PITPNM2: variants seen among roughly 807,000 people sequenced by gnomAD.
PITPNM2 encodes the protein phosphatidylinositol transfer protein membrane associated 2, also known as membrane-associated phosphatidylinositol transfer protein 2.
Under a neutral mutation model 132.2 loss-of-function variants are expected in PITPNM2, and 35 were observed. The ratio of observed to expected loss-of-function variants is 0.26; its 90% confidence interval spans 0.20 to 0.35. PITPNM2 has a LOEUF of 0.35. PITPNM2 is among the 10% of genes least tolerant of loss of function. The pLI is 1.00. For missense variants in PITPNM2, 1,332 were observed against 1,912.0 expected, an observed-to-expected ratio of 0.70 and a Z score of 5.66; for synonymous variants, 738 against 799.2, an observed-to-expected ratio of 0.92 and a Z score of 1.29.
chr12:123,071,850 C>G (rs994723929), intron 2 of PITPNM2, among the ~76,000 whole-genome samples: 2 of 152,174 alleles, frequency 1.3e-5, no homozygotes, highest in Admixed American at 1.3e-4. Flanking sequence ...AAAACCCGAG[C>G]CTATATGACT....
At chr12:122,995,827 C>G (rs2038403480) in intron 13 of PITPNM2, among the ~76,000 whole-genome samples, 167 bp from the exon 14 acceptor site, 3 of 152,234 alleles carry the variant, frequency 2.0e-5, no homozygotes, top group Admixed American at 2.0e-4. Context: ...TGTCCTCCCA[C>G]CCACCAGCCA....
chr12:123,015,618 A>G (rs2039394688), intron 3 of PITPNM2, among the ~76,000 whole-genome samples: 1 of 152,206 alleles, frequency 6.6e-6, no homozygotes, highest in African/African-American at 2.4e-5. Context: ...AGTTTAAAAA[A>G]AGAAATAAAA....
chr12:123,092,349 C>G (rs2137122436), intron 2 of PITPNM2: 1 of 152,392 alleles, frequency 6.6e-6, no homozygotes, highest in East Asian at 1.9e-4. Flanking sequence ...TGAGACCAGC[C>G]TAGGCAACAT....
intron 6 of PITPNM2, chr12:123,007,500 G>C: frequency 2.3e-6 from 1 of 428,934 alleles, no homozygotes; most frequent in South Asian, 1.7e-5. Flanking sequence ...GCAAGCAGTT[G>C]GGCCACGCCA....
chr12:123,024,186 C>A (rs900824452), intron 3 of PITPNM2, among the ~76,000 whole-genome samples: 1 of 152,216 alleles, frequency 6.6e-6, no homozygotes, highest in Non-Finnish European at 1.5e-5. Context: ...AGATGCTCAA[C>A]ATCATTTGTC....
Position 122,994,665 on chromosome 12 carries a change from C to G in PITPNM2, c.2233+136G>C. On this transcript the variant is annotated intron_variant, in intron 15 of 25. Coordinates refer to ENST00000320201, the MANE Select transcript of PITPNM2 (RefSeq NM_020845.3). This position sits in a 1 kb window ranked among gnomAD's most constrained non-coding sequence, Gnocchi z 5.4. ...GCAGGAGCAGAGGATAGCAAGGGGC[C>G]CTTGGTGGGGAAGACAGGAAGGAGG... 9.9e-7 allele frequency: 1 copy of G among 1,010,840 alleles called. No individual in the cohort carries two copies. Among genetic ancestry groups the G allele is most frequent in the South Asian group, 1.8e-5 (1 of 56,650 alleles). The allele number at this position is 1,010,840 out of a possible 1,614,324, so 62.6% of individuals were successfully genotyped here.
chr12:123,043,886 C>A (rs1383735854), intron 2 of PITPNM2, among the ~76,000 whole-genome samples: 1 of 152,114 alleles, frequency 6.6e-6, no homozygotes, highest in Non-Finnish European at 1.5e-5. Flanking sequence ...GAAACGGGCA[C>A]AAATGTGCAT....
At chr12:123,127,050 C>T (rs2043154102) in intron 1 of PITPNM2, among the ~76,000 whole-genome samples, 1 of 152,340 alleles carries the variant, frequency 6.6e-6, no homozygotes, top group South Asian at 2.1e-4. Flanking sequence ...TCTGAGAGCC[C>T]TGCCCTTGGA....
In PITPNM2 at chr12:122,986,268, C is replaced by T. The variant is rs1179506363; in HGVS notation, c.3809G>A (p.Arg1270His). 12 of 1,581,960 alleles carry T rather than the reference C, an allele frequency of 7.6e-6. No individual in the cohort carries two copies. The highest frequency in any genetic ancestry group is 3.4e-5 in the South Asian group (3 of 87,104). ...RARPARNTAT[R>H]MALRKGSFGL... ...GAAGCTGCCCTTGCGCAGCGCCATGCGGGTGGCCGTGTTGCGAGCGGGCCG... is the reference window on the plus strand; with the variant it reads ...GAAGCTGCCCTTGCGCAGCGCCATGTGGGTGGCCGTGTTGCGAGCGGGCCG... The change falls in exon 26 of 26, where the codon CGC becomes CAC. Residue 1270 changes from arginine to histidine, a missense_variant. Physicochemically the swap from Arg to His is conservative, Grantham distance 29 (BLOSUM62 0). Coordinates refer to ENST00000320201, the MANE Select transcript of PITPNM2 (RefSeq NM_020845.3).
chr12:122,991,962 G>C (rs952064196), intron 16 of PITPNM2: 1 of 1,275,978 alleles, frequency 7.8e-7, no homozygotes, highest in Non-Finnish European at 1.0e-6. Flanking sequence ...ATCCAGACAC[G>C]CTCTGACACA....
intron 2 of PITPNM2, among the ~76,000 whole-genome samples, chr12:123,057,998 G>A (rs2041098118): frequency 6.6e-6 from 1 of 152,172 alleles, no homozygotes; most frequent in South Asian, 2.1e-4. Flanking sequence ...GACCCCTCCT[G>A]TACACCTGAC....
intron 12 of PITPNM2, 22 bp downstream of exon 12, chr12:122,996,699 C>T (rs766409732): frequency 1.2e-6 from 2 of 1,610,672 alleles, no homozygotes; most frequent in South Asian, 1.1e-5. Flanking sequence ...CTCCTCCCCT[C>T]CCCAACTTCC....
chr12:122,996,007 C>G (rs1042317188), intron 13 of PITPNM2, among the ~76,000 whole-genome samples: 2 of 152,254 alleles, frequency 1.3e-5, no homozygotes, highest in Admixed American at 1.3e-4. Context: ...CACATAGCAG[C>G]TGCTCCCCTG....
rs1212985322 is a variant in PITPNM2 at position 122,994,850 on chromosome 12, C to T, written c.2184G>A (p.Pro728=). Residue 728 remains proline, a synonymous_variant, in exon 15 of 26, where the codon CCG becomes CCA. Transcript: ENST00000320201. This position sits in a 1 kb window ranked among gnomAD's most constrained non-coding sequence, Gnocchi z 5.4. Reference sequence around the variant, plus strand: ...TCCTCAAGGCCAGGACCAGCCCCAGCGGGCACCCGAAGAGGAAGAGGTCGG... The same window carrying T: ...TCCTCAAGGCCAGGACCAGCCCCAGTGGGCACCCGAAGAGGAAGAGGTCGG... ...EITDLFLFGC[P]LGLVLALRKT... is the part of the protein sequence containing the mutation. 9.9e-6 allele frequency: 16 copies of T among 1,611,880 alleles called. No homozygotes were observed. Among genetic ancestry groups the T allele is most frequent in the East Asian group, 2.2e-5 (1 of 44,860 alleles).
intron 14 of PITPNM2, among the ~76,000 whole-genome samples, 153 bp from the exon 15 acceptor site, chr12:122,995,132 C>T (rs945760017): frequency 6.6e-6 from 1 of 152,182 alleles, no homozygotes; most frequent in African/African-American, 2.4e-5. Flanking sequence ...TCCATTCTGC[C>T]CCCAACTCTG....
rs2040277873 is a variant in PITPNM2, at chr12:123,036,658, C to A, written c.-95-1973G>T. On this transcript the variant is annotated intron_variant, in intron 2 of 25. Coordinates refer to ENST00000320201, the MANE Select transcript of PITPNM2 (RefSeq NM_020845.3). This position sits in a 1 kb window ranked among gnomAD's most constrained non-coding sequence, Gnocchi z 4.1. Reference sequence around the variant, plus strand: ...CATCTGCTGGCTGTAGATAAGATAACCCTGGATCCCAGACCCCAACTGCCC... The same window carrying A: ...CATCTGCTGGCTGTAGATAAGATAAACCTGGATCCCAGACCCCAACTGCCC... Among the ~76,000 whole-genome samples, 1 of 152,222 alleles carries A rather than the reference C, an allele frequency of 6.6e-6. No individual in the cohort carries two copies. Among genetic ancestry groups the A allele is most frequent in the South Asian group, 2.1e-4 (1 of 4,832 alleles).
chr12:123,074,273 C>A (rs1405182699), intron 2 of PITPNM2, among the ~76,000 whole-genome samples: 1 of 152,156 alleles, frequency 6.6e-6, no homozygotes, highest in African/African-American at 2.4e-5. Flanking sequence ...GATTTAAGAT[C>A]CCAGTGCAGA....
rs2041865163 is a variant in PITPNM2, at chr12:123,078,709, G to A, written c.-96+31676C>T. ...TGGGAAGCAGAGGAGAAGGGAGGCT[G>A]CTGGGCACAGCAGGGGGAGGGGGCT... On this transcript the variant is annotated intron_variant, in intron 2 of 25. Coordinates refer to ENST00000320201, the MANE Select transcript of PITPNM2 (RefSeq NM_020845.3). This position sits in a 1 kb window ranked among gnomAD's most constrained non-coding sequence, Gnocchi z 7.3. Among the ~76,000 whole-genome samples the A allele has an allele frequency of 1.3e-5, 2 of 152,222 alleles. No homozygotes were observed. The highest frequency in any genetic ancestry group is 6.5e-5 in the Admixed American group (1 of 15,286).
At chr12:123,144,618 G>C (rs372628237) in intron 1 of PITPNM2, among the ~76,000 whole-genome samples, 1 of 152,130 alleles carries the variant, frequency 6.6e-6, no homozygotes, top group Non-Finnish European at 1.5e-5. Flanking sequence ...TTTTAGTAGA[G>C]ATGGGGTTTC....
Sources: gnomAD v4.1 joint callset for allele counts (sites outside exome capture counted in the v4.1 genomes callset) on GRCh38, gnomAD v4.1.1 for gene constraint, Gnocchi (gnomAD v3.1) non-coding constraint, MANE v1.5 for transcripts, NCBI Gene and HGNC (gene_info 2026-07-23, HGNC 2026-07-21) for gene names.